The following CREB5 variants were observed in gnomAD, a reference collection of about 807,000 sequenced individuals.
The protein encoded by CREB5 is cAMP responsive element binding protein 5.
CREB5 carries 19 observed loss-of-function variants against 57.1 expected under a neutral mutation model. The ratio of observed to expected loss-of-function variants is 0.33; its 90% CI spans 0.23 to 0.49. The LOEUF (loss-of-function observed/expected upper bound fraction) is 0.49, where lower values mean the gene tolerates loss of function less well. Among genes scored for constraint, CREB5 ranks in the 20% least tolerant of loss-of-function variants. The pLI, the probability that CREB5 is intolerant of heterozygous loss-of-function variation, is 0.99. For synonymous variants in CREB5, 238 were observed against 238.3 expected (o/e 1.00, Z 0.01); for missense variants, 579 against 671.6 (o/e 0.86, Z 1.52).
intron 3 of CREB5, among the ~76,000 whole-genome samples, chr7:28,497,986 C>T (rs1792122591): frequency 6.6e-6 from 1 of 152,140 alleles, no homozygotes; most frequent in African/African-American, 2.4e-5. Flanking sequence ...TGTATTTTGT[C>T]ATACTGTCCA....
intron 4 of CREB5, among the ~76,000 whole-genome samples, chr7:28,510,067 C>T (rs1323700793): frequency 6.6e-6 from 1 of 152,148 alleles, no homozygotes; most frequent in Non-Finnish European, 1.5e-5. Context: ...GTGTTGGTGG[C>T]TTTGGCTCTG....
intron 7 of CREB5, among the ~76,000 whole-genome samples, chr7:28,728,633 T>TTA (rs950451770): frequency 2.6e-5 from 4 of 152,220 alleles, no homozygotes; most frequent in African/African-American, 9.7e-5. Flanking sequence ...TTTTCTTATT[T>TTA]TACACGTGTG....
intron 1 of CREB5, among the ~76,000 whole-genome samples, chr7:28,403,808 T>C (rs971586326): frequency 3.3e-5 from 5 of 152,204 alleles, no homozygotes; most frequent in African/African-American, 1.2e-4. Flanking sequence ...CCGAAGATAA[T>C]AAATAGAAAG....
At chr7:28,786,545 G>A (rs919338305) in intron 7 of CREB5, among the ~76,000 whole-genome samples, 20 of 148,924 alleles carry the variant, frequency 1.3e-4, no homozygotes, top group African/African-American at 4.6e-4. Flanking sequence ...ACTGCGCCAG[G>A]CCTATGGCCT....
At chr7:28,382,429 A>C (rs1413286071) in intron 1 of CREB5, among the ~76,000 whole-genome samples, 1 of 149,158 alleles carries the variant, frequency 6.7e-6, no homozygotes, top group Non-Finnish European at 1.5e-5. Context: ...TAATTAATGC[A>C]ATGATTGAGA....
intron 5 of CREB5, among the ~76,000 whole-genome samples, chr7:28,572,430 G>T (rs1260928036): frequency 6.6e-6 from 1 of 152,176 alleles, no homozygotes; most frequent in Non-Finnish European, 1.5e-5. Context: ...ATTAAAGACA[G>T]CATCTAAATC....
chr7:28,780,024 C>A (rs1228586799), intron 7 of CREB5, among the ~76,000 whole-genome samples: 2 of 152,206 alleles, frequency 1.3e-5, no homozygotes, highest in East Asian at 3.8e-4. Context: ...CCTCCTCAGC[C>A]TCCCAAAATG....
chr7:28,413,152 A>ATCT (rs1787874844), intron 1 of CREB5, among the ~76,000 whole-genome samples: 1 of 150,338 alleles, frequency 6.7e-6, no homozygotes, highest in African/African-American at 2.4e-5. Flanking sequence ...TCCCAGGTAA[A>ATCT]ATATGTTCAG....
chr7:28,742,316 C>T (rs544312305), intron 7 of CREB5, among the ~76,000 whole-genome samples: 18 of 152,124 alleles, frequency 1.2e-4, no homozygotes, highest in Non-Finnish European at 2.1e-4. Context: ...CCTGTAATCC[C>T]AGCACTTTGG....
chr7:28,639,768 G>T (rs532430697), intron 5 of CREB5, among the ~76,000 whole-genome samples: 1 of 152,292 alleles, frequency 6.6e-6, no homozygotes, highest in African/African-American at 2.4e-5. Context: ...GCAAGAGTTT[G>T]TTATCAACGA....
At chr7:28,432,401 G>A (rs1045565320) in intron 1 of CREB5, among the ~76,000 whole-genome samples, 2 of 152,274 alleles carry the variant, frequency 1.3e-5, no homozygotes, top group South Asian at 2.1e-4. Flanking sequence ...TCGCTCGTAC[G>A]CAGTTTTGTG....
intron 7 of CREB5, among the ~76,000 whole-genome samples, chr7:28,770,103 C>G (rs2128775654): frequency 6.6e-6 from 1 of 152,276 alleles, no homozygotes; most frequent in Admixed American, 6.5e-5. Context: ...ATTCCTGTCT[C>G]TAATGGAAAA....
Position 28,598,426 on chromosome 7 carries a change from G to C in CREB5, c.464+27889G>C, listed in dbSNP as rs142652425. 3.9e-5 allele frequency among the ~76,000 whole-genome samples: 6 copies of C among 152,308 alleles called. No individual in the cohort carries two copies. The East Asian group carries it at 1.2e-3, about 29-fold the overall frequency. ...AAAGGGATGAGCAACCATTCCGAGG[G>C]CTGGGAGGGTCTTTTGTGTGTGGTG... On this transcript the variant is annotated intron_variant, in intron 5 of 10. Transcript: ENST00000357727.
chr7:28,558,765 A>G (rs1422910436), intron 4 of CREB5, among the ~76,000 whole-genome samples: 2 of 152,168 alleles, frequency 1.3e-5, no homozygotes, highest in Non-Finnish European at 1.5e-5. Context: ...AGAGTGCTAC[A>G]TTTATATTTC....
chr7:28,437,953 C>T (rs1342440997), intron 1 of CREB5, among the ~76,000 whole-genome samples: 1 of 152,112 alleles, frequency 6.6e-6, no homozygotes, highest in African/African-American at 2.4e-5. Flanking sequence ...GGTGAATTTA[C>T]AAACACCAGT....
At chr7:28,300,454 A>G (rs758945759) in intron 1 of CREB5, among the ~76,000 whole-genome samples, 1 of 152,218 alleles carries the variant, frequency 6.6e-6, no homozygotes, top group African/African-American at 2.4e-5. Context: ...GACAATAAAC[A>G]GATTCAATTC....
chr7:28,398,604 C>A (rs1043923865), intron 1 of CREB5, among the ~76,000 whole-genome samples: 1 of 152,140 alleles, frequency 6.6e-6, no homozygotes. Context: ...GCATGCTGGA[C>A]TTAGTGTCTT....
chr7:28,564,238 C>T (rs1413140245), intron 4 of CREB5, among the ~76,000 whole-genome samples: 2 of 152,130 alleles, frequency 1.3e-5, no homozygotes, highest in African/African-American at 4.8e-5. Flanking sequence ...ATGACCCTGG[C>T]TCTTTATGGA....
chr7:28,523,366 A>G (rs929071381), intron 4 of CREB5, among the ~76,000 whole-genome samples: 5 of 152,178 alleles, frequency 3.3e-5, no homozygotes, highest in African/African-American at 1.2e-4. Context: ...TGTTCTCCCA[A>G]TTCAATCGAA....
Sources: allele counts gnomAD v4.1 joint callset (sites outside exome capture counted in the v4.1 genomes callset), GRCh38; gene constraint gnomAD v4.1.1; transcripts MANE v1.5; gene names NCBI Gene and HGNC (gene_info 2026-07-23, HGNC 2026-07-21).